The following XG variants were observed in gnomAD, a reference collection of about 807,000 sequenced individuals.
XG encodes the protein Xg glycoprotein (Xg blood group), also known as glycoprotein Xg.
XG carries 24 observed loss-of-function variants against 25.7 expected under a neutral mutation model. The ratio of observed to expected loss-of-function variants is 0.93; its 90% CI spans 0.68 to 1.31. The LOEUF is 1.31. XG is among the 40% of genes most tolerant of loss of function. The pLI is 0.00. For missense variants in XG, 181 were observed against 187.6 expected, an observed-to-expected ratio of 0.96 and a Z score of 0.21; for synonymous variants, 77 against 69.2, an observed-to-expected ratio of 1.11 and a Z score of -0.56.
chrX:2,808,208 G>A lies in XG; in HGVS notation c.442G>A (p.Gly148Ser), dbSNP rs2087022468. 8.3e-7 allele frequency: 1 copy of A among 1,209,045 alleles called. No homozygotes were observed. Among genetic ancestry groups the A allele is most frequent in the African/African-American group, 1.8e-5 (1 of 56,965 alleles). ...AGGTGGAGATCACCATTCAACGTAT[G>A]GCAATCCAGAAGGTAACTGATTGAC... ...TYGGDHHSTY[G>S]NPEGNMVAKI... The change falls in exon 9 of 11, where the codon GGC (glycine) becomes AGC (serine). Residue 148 changes from glycine to serine, a missense_variant. Physicochemically the swap from Gly to Ser is moderately conservative, Grantham distance 56. Coordinates refer to ENST00000644266, the MANE Select transcript of XG (RefSeq NM_001141919.2).
chrX:2,802,587 G>A (rs1050754803), intron 7 of XG, among the ~76,000 whole-genome samples: 2 of 110,532 alleles, frequency 1.8e-5, no homozygotes, highest in African/African-American at 6.6e-5. Context: ...TGGAATGACA[G>A]AGGACGGACA....
chrX:2,766,604 A>T (rs769504510), intron 1 of XG, among the ~76,000 whole-genome samples: 3 of 123,812 alleles, frequency 2.4e-5, no homozygotes, highest in Admixed American at 9.8e-5. Flanking sequence ...TTGCTCTGTC[A>T]CCCAGGCTGG....
intron 3 of XG, 189 bp downstream of exon 3, chrX:2,774,928 C>G: frequency 1.4e-6 from 1 of 693,306 alleles, no homozygotes; most frequent in Middle Eastern, 2.5e-4. Flanking sequence ...CAGTGAAGCA[C>G]CACTTCGTCC....
chrX:2,756,868 C>T (rs576003271), intron 1 of XG, among the ~76,000 whole-genome samples: 21 of 152,112 alleles, frequency 1.4e-4, no homozygotes, highest in African/African-American at 4.6e-4. Flanking sequence ...TGGGTGCCTG[C>T]GACCCCCGAA....
intron 4 of XG, among the ~76,000 whole-genome samples, chrX:2,788,398 G>A (rs1171299652): frequency 8.9e-6 from 1 of 112,169 alleles, no homozygotes; most frequent in Non-Finnish European, 1.9e-5. Context: ...ATTTCATTTC[G>A]GCTTCTTGAA....
intron 7 of XG, among the ~76,000 whole-genome samples, chrX:2,804,417 C>T (rs369072884): frequency 1.9e-5 from 2 of 107,948 alleles, no homozygotes; most frequent in East Asian, 2.9e-4. Context: ...GTGGTTTCGC[C>T]ACGTTGCCCA....
intron 7 of XG, among the ~76,000 whole-genome samples, chrX:2,806,203 T>C (rs1353538125): frequency 9.1e-6 from 1 of 109,437 alleles, no homozygotes; most frequent in African/African-American, 3.3e-5. Flanking sequence ...CAGCTATTTT[T>C]TTTTTTTAAG....
intron 1 of XG, among the ~76,000 whole-genome samples, chrX:2,765,508 C>T (rs1288960783): frequency 6.6e-6 from 1 of 152,192 alleles, no homozygotes; most frequent in African/African-American, 2.4e-5. Flanking sequence ...TCTGAATTTA[C>T]TAATGTGGTT....
chrX:2,807,781 T>G (rs2087016635), intron 8 of XG, among the ~76,000 whole-genome samples: 1 of 112,514 alleles, frequency 8.9e-6, no homozygotes, highest in African/African-American at 3.2e-5. Flanking sequence ...TGTTGCATGC[T>G]GCATGTGTGT....
intron 1 of XG, among the ~76,000 whole-genome samples, chrX:2,764,176 G>A (rs568133840): frequency 1.2e-4 from 18 of 152,256 alleles, no homozygotes; most frequent in African/African-American, 3.9e-4. Flanking sequence ...CAAATGCCAC[G>A]GCAATGTCAG....
chrX:2,761,942 C>G (rs1327591922), intron 1 of XG, among the ~76,000 whole-genome samples: 2 of 152,156 alleles, frequency 1.3e-5, no homozygotes, highest in African/African-American at 2.4e-5. Context: ...ATTACCAAGT[C>G]TCTGTCCTGC....
intron 4 of XG, among the ~76,000 whole-genome samples, chrX:2,787,448 G>A (rs1287868738): frequency 3.6e-5 from 4 of 111,244 alleles, no homozygotes; most frequent in African/African-American, 1.3e-4. Context: ...ACCTTACAGT[G>A]AGGTACCCAG....
chrX:2,762,061 T>C (rs1438325259), intron 1 of XG, among the ~76,000 whole-genome samples: 2 of 152,246 alleles, frequency 1.3e-5, no homozygotes, highest in Admixed American at 6.5e-5. Flanking sequence ...GTGTCACCCA[T>C]GTCCTGAGGG....
rs1440160656 is a variant in XG, at chrX:2,794,527, C to T, written c.254-8C>T. 6 of 1,210,526 alleles carry T rather than the reference C, an allele frequency of 5.0e-6. No individual in the cohort carries two copies. Among genetic ancestry groups the T allele is most frequent in the Non-Finnish European group, 6.7e-6 (6 of 894,833 alleles). On this transcript the variant is annotated splice_region_variant and splice_polypyrimidine_tract_variant and intron_variant, in intron 5 of 10. Coordinates refer to ENST00000644266, the MANE Select transcript of XG (RefSeq NM_001141919.2). Reference sequence around the variant, plus strand: ...CTCATGAGCAATGCCGCGTGCTCTGCCCCACAGGTTACTTCAATGATGTGG... The same window carrying T: ...CTCATGAGCAATGCCGCGTGCTCTGTCCCACAGGTTACTTCAATGATGTGG...
At chrX:2,801,848 A>G (rs764065997) in intron 7 of XG, among the ~76,000 whole-genome samples, 5 of 110,726 alleles carry the variant, frequency 4.5e-5, no homozygotes, top group Admixed American at 9.6e-5. Context: ...AGCTGGGACT[A>G]CAGGCGCCCG....
chrX:2,754,133 G>A (rs904769967), intron 1 of XG, among the ~76,000 whole-genome samples: 3 of 152,086 alleles, frequency 2.0e-5, no homozygotes, highest in African/African-American at 7.2e-5. Context: ...GGGGCCCACT[G>A]TGTCACCTAG....
chrX:2,757,836 G>T (rs758000348), intron 1 of XG, among the ~76,000 whole-genome samples: 1 of 151,374 alleles, frequency 6.6e-6, no homozygotes, highest in African/African-American at 2.4e-5. Flanking sequence ...GCCAGGCATG[G>T]TGGGGGGTGT....
intron 7 of XG, among the ~76,000 whole-genome samples, chrX:2,804,584 C>G (rs2086976000): frequency 1.8e-5 from 2 of 111,504 alleles, no homozygotes; most frequent in Middle Eastern, 4.6e-3. Flanking sequence ...GCCTTTTCAC[C>G]CCATGCACGA....
At chrX:2,801,347 AAGAG>A (rs372340929) in intron 7 of XG, among the ~76,000 whole-genome samples, 32 of 108,213 alleles carry the variant, frequency 3.0e-4, no homozygotes, top group African/African-American at 9.4e-4. Flanking sequence ...GAGAGAGAGA[AAGAG>A]AGAGAGAGAA....
Sources: gnomAD v4.1 joint callset for allele counts (sites outside exome capture counted in the v4.1 genomes callset) on GRCh38, gnomAD v4.1.1 for gene constraint, MANE v1.5 for transcripts, NCBI Gene and HGNC (gene_info 2026-07-23, HGNC 2026-07-21) for gene names.